Variants in SGIP1 observed in about 807,000 individuals in gnomAD.
SGIP1 encodes SH3-containing GRB2-like protein 3-interacting protein 1.
SGIP1 carries 38 observed loss-of-function variants against 107.5 expected under a neutral mutation model. The observed-to-expected ratio is 0.35, with a 90% CI of 0.27 to 0.46. SGIP1 has a LOEUF of 0.46. Ranked by LOEUF, SGIP1 falls within the 20% of genes least tolerant of loss-of-function variation. The pLI, the probability that SGIP1 is intolerant of heterozygous loss-of-function variation, is 1.00. For synonymous variants in SGIP1, 365 were observed against 366.1 expected (o/e 1.00, Z 0.03); for missense variants, 929 against 1,019.5 (o/e 0.91, Z 1.21).
At chr1:66,649,056 G>A (rs2078210699) in intron 7 of SGIP1, among the ~76,000 whole-genome samples, 1 of 151,846 alleles carries the variant, frequency 6.6e-6, no homozygotes, top group South Asian at 2.1e-4. Flanking sequence ...CTCCTTTTTT[G>A]AGGGTCATGC....
At chr1:66,610,675 G>A (rs1470999214) in intron 1 of SGIP1, among the ~76,000 whole-genome samples, 1 of 151,028 alleles carries the variant, frequency 6.6e-6, no homozygotes, top group Non-Finnish European at 1.5e-5. Flanking sequence ...TCAACCATCA[G>A]CTTTAGGGGA....
At chr1:66,567,227 G>A (rs930019059) in intron 1 of SGIP1, among the ~76,000 whole-genome samples, 1 of 152,088 alleles carries the variant, frequency 6.6e-6, no homozygotes. Flanking sequence ...GTATCTCATT[G>A]TGGTTTTGAT....
At chr1:66,634,240 T>G in intron 3 of SGIP1, 1 of 1,114,190 alleles carries the variant, frequency 9.0e-7, no homozygotes. Flanking sequence ...CTCTGACCTT[T>G]GCAAAGCTCT....
chr1:66,615,787 A>G (rs1436984343), intron 1 of SGIP1, among the ~76,000 whole-genome samples: 1 of 152,224 alleles, frequency 6.6e-6, no homozygotes, highest in Non-Finnish European at 1.5e-5. Flanking sequence ...GAAGGATGTG[A>G]AGAAAATAAA....
intron 15 of SGIP1, among the ~76,000 whole-genome samples, chr1:66,684,875 G>A (rs2087801563): frequency 6.6e-6 from 1 of 152,132 alleles, no homozygotes; most frequent in Non-Finnish European, 1.5e-5. Flanking sequence ...CACCAGTAAA[G>A]ACTCTTGATT....
chr1:66,568,903 G>T (rs1017787547), intron 1 of SGIP1, among the ~76,000 whole-genome samples: 1 of 151,776 alleles, frequency 6.6e-6, no homozygotes, highest in Non-Finnish European at 1.5e-5. Flanking sequence ...TTTCTCTTGG[G>T]AACTAGCTGC....
chr1:66,730,690 T>C (rs139405189), intron 20 of SGIP1, among the ~76,000 whole-genome samples: 4 of 152,210 alleles, frequency 2.6e-5, no homozygotes, highest in Admixed American at 6.5e-5. Context: ...CTAAACCTGT[T>C]ACCATTGCCT....
intron 18 of SGIP1, among the ~76,000 whole-genome samples, chr1:66,695,843 G>A (rs77943156): frequency 6.6e-6 from 1 of 152,152 alleles, no homozygotes; most frequent in Non-Finnish European, 1.5e-5. Context: ...TTTTGCAAAT[G>A]CAGTGCAACA....
chr1:66,650,279 T>C (rs573514194), intron 7 of SGIP1, among the ~76,000 whole-genome samples: 107 of 152,322 alleles, frequency 7.0e-4, no homozygotes, highest in Non-Finnish European at 9.1e-4. Flanking sequence ...CATATGGTAC[T>C]TCTTCGGGAG....
At chr1:66,590,302 A>G (rs916057947) in intron 1 of SGIP1, among the ~76,000 whole-genome samples, 1 of 152,204 alleles carries the variant, frequency 6.6e-6, no homozygotes, top group African/African-American at 2.4e-5. Context: ...ATTCCTAGGA[A>G]CAATTAGAAT....
At chr1:66,729,228 TTCTC>T in intron 19 of SGIP1, 32 bp from the exon 20 acceptor site, 1 of 1,609,940 alleles carries the variant, frequency 6.2e-7, no homozygotes, top group Non-Finnish European at 8.5e-7. Flanking sequence ...GACATGGATT[TTCTC>T]TCTCTTTCCT....
rs1292057766 is a variant in SGIP1, at chr1:66,690,308, C to T, written c.1562C>T (p.Pro521Leu). 6.2e-7 allele frequency: 1 copy of T among 1,613,932 alleles called. No individual in the cohort carries two copies. The highest frequency in any genetic ancestry group is 1.7e-5 in the Admixed American group (1 of 60,002). Residue 521 changes from proline (P) to leucine (L), a missense_variant, in exon 17 of 25, where the codon CCC (proline) becomes CTC (leucine). Around this residue, in one of 2 missense-constraint regions of SGIP1, gnomAD observed 341 missense variants for 430.9 expected, o/e 0.79. Transcript: ENST00000371037. Reference sequence around the variant, plus strand: ...AATTCCTTGAGCGCAGCCACCACTCCCACAGTTGGTAAAAATTCTCTCCTC... The same window carrying T: ...AATTCCTTGAGCGCAGCCACCACTCTCACAGTTGGTAAAAATTCTCTCCTC... ...STNSLSAATTPTVENEQPSLV... is the reference protein window; with the variant it reads ...STNSLSAATTLTVENEQPSLV...
At chr1:66,606,073 A>C (rs1025072740) in intron 1 of SGIP1, among the ~76,000 whole-genome samples, 2 of 152,216 alleles carry the variant, frequency 1.3e-5, no homozygotes, top group African/African-American at 2.4e-5. Flanking sequence ...CATGAACTTA[A>C]GTCCCAGATT....
intron 7 of SGIP1, among the ~76,000 whole-genome samples, chr1:66,651,997 G>A (rs999937703): frequency 1.3e-5 from 2 of 152,088 alleles, no homozygotes; most frequent in African/African-American, 4.8e-5. Flanking sequence ...ATGAGTAGCA[G>A]CACTATTAAG....
At position 66,681,780 on chromosome 1, in the gene SGIP1, A is replaced by G. The variant is rs1037874268; in HGVS notation, c.815-89A>G. The G allele has an allele frequency of 4.4e-6, 6 of 1,375,840 alleles. No homozygotes were observed. In the African/African-American group the frequency reaches 8.7e-5, roughly 20 times the overall value. 85.2% of individuals were successfully genotyped at this position (1,375,840 alleles called of 1,614,324 possible). A position where few individuals can be genotyped will look rare whatever the true frequency, so the allele number is the denominator to read the frequency against. ...TGCCCACTGAGGCACCTCAGACACC[A>G]ATGTATTTTCCAGTCTTTGCCTCCC... On this transcript the variant is annotated intron_variant, in intron 14 of 24. Transcript: ENST00000371037.
At chr1:66,535,108 G>A (rs1184600140) in intron 1 of SGIP1, among the ~76,000 whole-genome samples, 3 of 152,166 alleles carry the variant, frequency 2.0e-5, no homozygotes, top group African/African-American at 7.2e-5. Flanking sequence ...AGTGTAAGGA[G>A]GAACTTTCCC....
At chr1:66,627,935 C>T (rs112096787) in intron 2 of SGIP1, among the ~76,000 whole-genome samples, 2,503 of 135,722 alleles carry the variant, frequency 0.018, 70 homozygotes, top group African/African-American at 0.065. Flanking sequence ...GTGTGATGTT[C>T]CCCTTCCTGT....
intron 1 of SGIP1, among the ~76,000 whole-genome samples, chr1:66,572,754 G>C (rs2060546164): frequency 6.6e-6 from 1 of 151,896 alleles, no homozygotes; most frequent in Non-Finnish European, 1.5e-5. Flanking sequence ...TCTTCAGTGT[G>C]GTGCTAGGAT....
intron 1 of SGIP1, among the ~76,000 whole-genome samples, chr1:66,553,843 T>C (rs1209138995): frequency 6.6e-6 from 1 of 152,110 alleles, no homozygotes; most frequent in African/African-American, 2.4e-5. Context: ...ATCTGTAAAA[T>C]GATAGGTTTG....
Sources: gnomAD v4.1 joint callset for allele counts (sites outside exome capture counted in the v4.1 genomes callset) on GRCh38, gnomAD v4.1.1 for gene constraint, gnomAD v4.1.1 regional missense constraint, MANE v1.5 for transcripts, NCBI Gene and HGNC (gene_info 2026-07-23, HGNC 2026-07-21) for gene names.